DEPDC1B: variants seen among roughly 807,000 people sequenced by gnomAD.
The protein encoded by DEPDC1B is DEP domain-containing protein 1B.
DEPDC1B carries 51 observed loss-of-function variants against 66.5 expected under a neutral mutation model. The ratio of observed to expected loss-of-function variants is 0.77; its 90% CI spans 0.61 to 0.97. The LOEUF (loss-of-function observed/expected upper bound fraction) is 0.97, where lower values mean the gene tolerates loss of function less well. Ranked by LOEUF, DEPDC1B falls within the 50% of genes least tolerant of loss-of-function variation. The probability of loss-of-function intolerance (pLI) is 0.00; values close to 1 mark genes in which losing one functional copy is unlikely to be tolerated. For synonymous variants in DEPDC1B, 226 were observed against 223.6 expected, an observed-to-expected ratio of 1.01 and a Z score of -0.10; for missense variants, 552 against 637.1, an observed-to-expected ratio of 0.87 and a Z score of 1.44.
chr5:60,642,771 T>G, intron 6 of DEPDC1B, 41 bp downstream of exon 6: 1 of 1,565,926 alleles, frequency 6.4e-7, no homozygotes, highest in Non-Finnish European at 8.7e-7. Flanking sequence ...GGGCACTAAT[T>G]TCTGTTAATT....
intron 4 of DEPDC1B, among the ~76,000 whole-genome samples, 194 bp downstream of exon 4, chr5:60,645,295 ACTC>A (rs1385355334): frequency 6.6e-6 from 1 of 152,168 alleles, no homozygotes; most frequent in East Asian, 1.9e-4. Context: ...GAACTTTTAA[ACTC>A]CTAACTATTA....
chr5:60,620,287 A>G (rs1359153944), intron 7 of DEPDC1B, among the ~76,000 whole-genome samples: 1 of 152,248 alleles, frequency 6.6e-6, no homozygotes, highest in Admixed American at 6.5e-5. Context: ...AAATTGACAA[A>G]CAGGATCTAA....
rs1554054866 is a variant in DEPDC1B at position 60,667,540 on chromosome 5, T to TAAAAAATGGATATTTTACATATATA, written c.314+19397_314+19421dup. ...AAAAAATGGATATTTTACATATATATAAAAAATGGATATTTTACATATATA... is the reference window on the plus strand; with the variant it reads ...AAAAAATGGATATTTTACATATATATAAAAAATGGATATTTTACATATATAAAAAAATGGATATTTTACATATATA... On this transcript the variant is annotated intron_variant, in intron 2 of 10. Transcript: ENST00000265036. 7.2e-3 allele frequency among the ~76,000 whole-genome samples: 794 copies of TAAAAAATGGATATTTTACATATATA among 110,556 alleles called. 100 individuals are homozygous for TAAAAAATGGATATTTTACATATATA. The highest frequency in any genetic ancestry group is 0.044 in the East Asian group (150 of 3,446). The allele number at this position is 110,556 out of a possible 152,430, so 72.5% of individuals were successfully genotyped here. A position where few individuals can be genotyped will look rare whatever the true frequency, so the allele number is the denominator to read the frequency against.
intron 2 of DEPDC1B, among the ~76,000 whole-genome samples, chr5:60,667,612 T>C (rs1424471825): frequency 2.1e-5 from 3 of 145,420 alleles, no homozygotes; most frequent in African/African-American, 7.5e-5. Flanking sequence ...TTTACATATA[T>C]ATAAAAAATG....
At chr5:60,683,953 C>G (rs1316870154) in intron 2 of DEPDC1B, among the ~76,000 whole-genome samples, 2 of 151,642 alleles carry the variant, frequency 1.3e-5, no homozygotes, top group Non-Finnish European at 2.9e-5. Flanking sequence ...TTTCTATACA[C>G]CAATAACAAA....
chr5:60,668,230 ATT>A (rs1235112982), intron 2 of DEPDC1B, among the ~76,000 whole-genome samples: 7 of 63,308 alleles, frequency 1.1e-4, no homozygotes, highest in African/African-American at 4.1e-4. Flanking sequence ...TAAAATGGAT[ATT>A]TTATATATAT....
chr5:60,686,823 T>A (rs1275075952), intron 2 of DEPDC1B, 139 bp downstream of exon 2: 4 of 1,097,304 alleles, frequency 3.6e-6, no homozygotes, highest in African/African-American at 3.1e-5. Context: ...CATTCAGTTC[T>A]CCACTCAACA....
chr5:60,699,916 C>A, intron 1 of DEPDC1B, 130 bp downstream of exon 1: 1 of 1,133,738 alleles, frequency 8.8e-7, no homozygotes, highest in South Asian at 1.4e-5. Flanking sequence ...CCCAGTAGTC[C>A]CAGCTGAAAT....
At chr5:60,638,517 T>C (rs1281367016) in intron 7 of DEPDC1B, among the ~76,000 whole-genome samples, 3 of 152,228 alleles carry the variant, frequency 2.0e-5, no homozygotes, top group Non-Finnish European at 4.4e-5. Context: ...ATTATATTCT[T>C]TCTTAAGAAA....
intron 7 of DEPDC1B, among the ~76,000 whole-genome samples, chr5:60,617,456 A>G (rs1387906364): frequency 6.6e-6 from 1 of 152,172 alleles, no homozygotes; most frequent in Non-Finnish European, 1.5e-5. Context: ...TGCGAAGCAA[A>G]TGGAAAACAA....
At chr5:60,680,738 G>A (rs148243640) in intron 2 of DEPDC1B, among the ~76,000 whole-genome samples, 70 of 152,240 alleles carry the variant, frequency 4.6e-4, no homozygotes, top group African/African-American at 1.6e-3. Flanking sequence ...CATTTAATAC[G>A]TATTACATGG....
intron 9 of DEPDC1B, 145 bp downstream of exon 9, chr5:60,603,246 G>T: frequency 1.6e-6 from 1 of 625,764 alleles, no homozygotes; most frequent in Non-Finnish European, 2.4e-6. Flanking sequence ...ACATGCAGGG[G>T]ATTACTATGT....
intron 7 of DEPDC1B, among the ~76,000 whole-genome samples, chr5:60,611,731 A>C (rs147616498): frequency 6.6e-6 from 1 of 152,296 alleles, no homozygotes; most frequent in East Asian, 1.9e-4. Context: ...CAATTCTATA[A>C]AGGCTGAGGG....
intron 7 of DEPDC1B, among the ~76,000 whole-genome samples, chr5:60,633,270 C>T (rs985108743): frequency 3.0e-4 from 45 of 152,180 alleles, no homozygotes; most frequent in African/African-American, 1.0e-3. Context: ...TTAGTGTTCA[C>T]ACTTTAACAA....
rs1754757615 is a variant in DEPDC1B, at chr5:60,700,142, A to C, written c.-49T>G. On this transcript the variant is annotated 5_prime_UTR_variant, in exon 1 of 11. Transcript: ENST00000265036. ...AGCCGCGCCAGCGCTGATCCCCGCC[A>C]GCCGGAGGAGCAGCAGTTTGAATCC... 1 of 1,523,590 alleles carries C rather than the reference A, an allele frequency of 6.6e-7. No homozygotes were observed. Among genetic ancestry groups the C allele is most frequent in the African/African-American group, 1.4e-5 (1 of 71,080 alleles). 94.4% of individuals were successfully genotyped at this position (1,523,590 alleles called of 1,614,324 possible). A position where few individuals can be genotyped will look rare whatever the true frequency, so the allele number is the denominator to read the frequency against.
chr5:60,668,013 T>TTATATATATATAAAATGGATATTTTA (rs1561384595), intron 2 of DEPDC1B, among the ~76,000 whole-genome samples: 6 of 81,422 alleles, frequency 7.4e-5, no homozygotes, highest in Non-Finnish European at 1.2e-4. Context: ...AATGGATATT[T>TTATATATATATAAAATGGATATTTTA]TATATATATA....
chr5:60,663,932 C>T (rs1447976646), intron 2 of DEPDC1B, among the ~76,000 whole-genome samples: 2 of 152,230 alleles, frequency 1.3e-5, no homozygotes, highest in African/African-American at 2.4e-5. Context: ...ACTGGCTTAT[C>T]CTCATCCTAA....
chr5:60,621,053 A>G (rs982080486), intron 7 of DEPDC1B, among the ~76,000 whole-genome samples: 3 of 150,420 alleles, frequency 2.0e-5, no homozygotes, highest in African/African-American at 7.4e-5. Context: ...AAAACCAAAC[A>G]CCACATGTTG....
At chr5:60,604,218 C>CTTTTTTTTTTCTTTTTTTTT (rs1752264906) in intron 8 of DEPDC1B, among the ~76,000 whole-genome samples, 1 of 68,970 alleles carries the variant, frequency 1.4e-5, no homozygotes, top group Non-Finnish European at 2.8e-5. Context: ...ATTAACTATT[C>CTTTTTTTTTTCTTTTTTTTT]TTTTTTTTTT....
Sources: allele counts gnomAD v4.1 joint callset (sites outside exome capture counted in the v4.1 genomes callset), GRCh38; gene constraint gnomAD v4.1.1; transcripts MANE v1.5; gene names NCBI Gene and HGNC (gene_info 2026-07-23, HGNC 2026-07-21).